The following PHF24 variants were observed in gnomAD, a reference collection of about 807,000 sequenced individuals.
PHF24 encodes Galpha inhibitory interacting protein.
Under a neutral mutation model 42.6 loss-of-function variants are expected in PHF24, and 25 were observed. That is an observed-to-expected ratio of 0.59 (90% CI 0.43 to 0.82). The LOEUF (loss-of-function observed/expected upper bound fraction) is 0.82. Among genes scored for constraint, PHF24 ranks in the 40% least tolerant of loss-of-function variants. The pLI is 0.00. For synonymous variants in PHF24, 185 were observed against 204.8 expected (o/e 0.90, Z 0.83); for missense variants, 470 against 538.1 (o/e 0.87, Z 1.25).
At chr9:34,930,316 T>G in the PHF24 span, among the ~76,000 whole-genome samples, 1 of 152,196 alleles carries the variant, frequency 6.6e-6, no homozygotes, top group Non-Finnish European at 1.5e-5. Context: ...GACATCCCAT[T>G]TGGGTGTGTC....
chr9:34,838,863 G>A, the PHF24 span, among the ~76,000 whole-genome samples: 1 of 152,196 alleles, frequency 6.6e-6, no homozygotes, highest in Admixed American at 6.5e-5. Flanking sequence ...GGCACCTTAT[G>A]AGAAGGGGTG....
At chr9:34,855,604 C>T in the PHF24 span, among the ~76,000 whole-genome samples, 1 of 152,192 alleles carries the variant, frequency 6.6e-6, no homozygotes, top group African/African-American at 2.4e-5. Context: ...ATATTGGCCC[C>T]CAATCTCTTC....
At chr9:34,711,554 T>C in the PHF24 span, among the ~76,000 whole-genome samples, 175 of 151,324 alleles carry the variant, frequency 1.2e-3, no homozygotes, top group Non-Finnish European at 2.0e-3. Flanking sequence ...TTTTTTTTTT[T>C]TTTTTTGAGA....
At chr9:34,720,730 C>T in the PHF24 span, among the ~76,000 whole-genome samples, 3 of 152,208 alleles carry the variant, frequency 2.0e-5, no homozygotes, top group Non-Finnish European at 2.9e-5. Flanking sequence ...GTTTCTCCAT[C>T]TCCAGCCTCA....
the PHF24 span, among the ~76,000 whole-genome samples, chr9:34,942,942 A>G: frequency 1.3e-5 from 2 of 152,202 alleles, no homozygotes; most frequent in Non-Finnish European, 2.9e-5. Context: ...TGGTACATGT[A>G]TACCTATGTA....
the PHF24 span, chr9:34,727,926 G>T: frequency 8.7e-7 from 1 of 1,150,956 alleles, no homozygotes; most frequent in Non-Finnish European, 1.2e-6. Context: ...CTCCCTCCCA[G>T]CCATTATCTT....
the PHF24 span, among the ~76,000 whole-genome samples, chr9:34,701,205 G>A: frequency 6.6e-6 from 1 of 152,136 alleles, no homozygotes; most frequent in Admixed American, 6.5e-5. This position sits in a 1 kb window ranked among gnomAD's most constrained non-coding sequence, Gnocchi z 5.8. Context: ...CGCCCCAGGG[G>A]TAGGAGATCC....
chr9:34,705,772 A>G, the PHF24 span, among the ~76,000 whole-genome samples: 1 of 152,124 alleles, frequency 6.6e-6, no homozygotes, highest in East Asian at 1.9e-4. Flanking sequence ...TTGTTTAAGA[A>G]ACTCTTTTTG....
the PHF24 span, among the ~76,000 whole-genome samples, chr9:34,879,349 G>T: frequency 1.3e-5 from 2 of 152,178 alleles, no homozygotes; most frequent in African/African-American, 2.4e-5. Flanking sequence ...AACAAAGCTG[G>T]ACAGAGAATG....
the PHF24 span, chr9:34,726,670 A>G: frequency 7.1e-6 from 11 of 1,551,514 alleles, no homozygotes; most frequent in African/African-American, 1.5e-4. Context: ...TGCCATCTGC[A>G]TACGTTGACT....
the PHF24 span, among the ~76,000 whole-genome samples, chr9:34,820,659 A>G: frequency 2.6e-5 from 4 of 151,960 alleles, no homozygotes; most frequent in Admixed American, 1.3e-4. Context: ...GGTTGATTCC[A>G]TGTCTTTGCT....
At chr9:34,936,678 G>T in the PHF24 span, among the ~76,000 whole-genome samples, 1 of 150,444 alleles carries the variant, frequency 6.6e-6, no homozygotes, top group South Asian at 2.1e-4. Flanking sequence ...GTCTCTGCCC[G>T]GCCACCCATC....
chr9:34,801,339 G>A, the PHF24 span, among the ~76,000 whole-genome samples: 21 of 152,288 alleles, frequency 1.4e-4, no homozygotes, highest in Admixed American at 1.1e-3. Flanking sequence ...AAAGACACAT[G>A]CACATGTATG....
the PHF24 span, among the ~76,000 whole-genome samples, chr9:34,935,978 G>A: frequency 1.3e-5 from 2 of 151,324 alleles, no homozygotes; most frequent in African/African-American, 4.9e-5. Flanking sequence ...AAGTATCTAG[G>A]GTGAATAAGA....
the PHF24 span, among the ~76,000 whole-genome samples, chr9:34,803,578 T>C: frequency 1.4e-4 from 21 of 152,156 alleles, no homozygotes; most frequent in African/African-American, 5.1e-4. Flanking sequence ...GTGTGAAGCA[T>C]AAATGGTTCT....
the PHF24 span, among the ~76,000 whole-genome samples, chr9:34,716,141 G>GA: frequency 6.6e-6 from 1 of 152,182 alleles, no homozygotes. Flanking sequence ...ATGCCCTGTG[G>GA]ACTGTGCAGC....
chr9:34,856,758 T>C, the PHF24 span, among the ~76,000 whole-genome samples: 1 of 152,234 alleles, frequency 6.6e-6, no homozygotes, highest in Non-Finnish European at 1.5e-5. Flanking sequence ...TCAGGAGGAA[T>C]GGGATCAGGG....
chr9:34,829,473 A>G, the PHF24 span, among the ~76,000 whole-genome samples: 23 of 152,298 alleles, frequency 1.5e-4, no homozygotes, highest in African/African-American at 5.3e-4. Context: ...TACTTGGCAC[A>G]TAGTAAGTAT....
the PHF24 span, among the ~76,000 whole-genome samples, chr9:34,823,181 C>G: frequency 8.9e-6 from 1 of 112,750 alleles, no homozygotes; most frequent in African/African-American, 3.5e-5. Flanking sequence ...CCGGCCTGGG[C>G]GACATAGCGA....
Sources: allele counts gnomAD v4.1 joint callset (sites outside exome capture counted in the v4.1 genomes callset), GRCh38; gene constraint gnomAD v4.1.1; non-coding constraint Gnocchi (gnomAD v3.1); transcripts MANE v1.5; gene names NCBI Gene and HGNC (gene_info 2026-07-23, HGNC 2026-07-21).